The following MYO3B variants were observed in gnomAD, a reference collection of about 807,000 sequenced individuals.
MYO3B encodes the protein myosin-IIIb.
Under a neutral mutation model 174.6 loss-of-function variants are expected in MYO3B, and 156 were observed. The observed-to-expected ratio is 0.89, with a 90% CI of 0.78 to 1.02. The LOEUF is 1.02. Ranked by LOEUF, MYO3B falls within the 50% of genes least tolerant of loss-of-function variation. The probability of loss-of-function intolerance (pLI) is 0.00; values close to 1 mark genes in which losing one functional copy is unlikely to be tolerated. For synonymous variants in MYO3B, 563 were observed against 569.1 expected, an observed-to-expected ratio of 0.99 and a Z score of 0.15; for missense variants, 1,632 against 1,639.4, an observed-to-expected ratio of 1.00 and a Z score of 0.08.
chr2:170,218,276 T>TAAAGAA (rs1384731273), intron 6 of MYO3B, among the ~76,000 whole-genome samples: 1 of 152,188 alleles, frequency 6.6e-6, no homozygotes, highest in Admixed American at 6.6e-5. Context: ...AGGCCCATTT[T>TAAAGAA]AAAGAAAAAG....
Position 170,217,345 on chromosome 2 carries a change from C to T in MYO3B, c.553C>T (p.Arg185Cys), listed in dbSNP as rs199594625. ...FGVSAQLTST[R>C]LRRNTSVGTP... ...TGTTTCAGCTCAACTCACCAGTACA[C>T]GTCTGCGGAGAAACACATCTGTTGG... Residue 185 changes from arginine to cysteine, a missense_variant, in exon 6 of 35, where the codon CGT (arginine) becomes TGT (cysteine). Arg to Cys is a radical substitution (Grantham distance 180, BLOSUM62 -3). Coordinates refer to ENST00000408978, the MANE Select transcript of MYO3B (RefSeq NM_138995.5). 2.4e-5 allele frequency: 39 copies of T among 1,614,084 alleles called. No individual in the cohort carries two copies. Among genetic ancestry groups the T allele is most frequent in the South Asian group, 9.9e-5 (9 of 91,082 alleles).
chr2:170,575,286 A>G (rs961483922), intron 32 of MYO3B, among the ~76,000 whole-genome samples: 1 of 152,102 alleles, frequency 6.6e-6, no homozygotes, highest in African/African-American at 2.4e-5. Context: ...TAAATTTCAT[A>G]TATGTATTTA....
chr2:170,443,763 G>GTTAC (rs77737087), intron 22 of MYO3B, among the ~76,000 whole-genome samples: 68,038 of 150,462 alleles, frequency 0.45, 15,573 homozygotes, highest in Admixed American at 0.54. Flanking sequence ...CAATTTATAA[G>GTTAC]TTACAAATTA....
intron 6 of MYO3B, among the ~76,000 whole-genome samples, chr2:170,222,389 A>G (rs2092910617): frequency 6.6e-6 from 1 of 152,182 alleles, no homozygotes; most frequent in Non-Finnish European, 1.5e-5. Flanking sequence ...GCTTTAAACA[A>G]CAGAAATATA....
intron 1 of MYO3B, among the ~76,000 whole-genome samples, chr2:170,198,908 A>G (rs541479981): frequency 6.6e-6 from 1 of 152,276 alleles, no homozygotes; most frequent in African/African-American, 2.4e-5. Context: ...CAACTGTCCA[A>G]TCATGACCAG....
chr2:170,329,546 G>C (rs1558896080), intron 7 of MYO3B, among the ~76,000 whole-genome samples: 1 of 147,426 alleles, frequency 6.8e-6, no homozygotes, highest in Non-Finnish European at 1.5e-5. Flanking sequence ...ACACCTGGCT[G>C]ATTTTTGTAT....
chr2:170,308,452 C>T (rs2093715554), intron 7 of MYO3B, among the ~76,000 whole-genome samples: 2 of 152,262 alleles, frequency 1.3e-5, no homozygotes, highest in East Asian at 3.9e-4. Context: ...TATCCCTGCC[C>T]AGGATTTATG....
At chr2:170,637,171 G>GTT (rs33947498) in intron 32 of MYO3B, among the ~76,000 whole-genome samples, 2 of 125,308 alleles carry the variant, frequency 1.6e-5, no homozygotes. Context: ...AGAGTGTAGG[G>GTT]TTTTTTTTTT....
In MYO3B at chr2:170,214,794, G is replaced by A; in HGVS notation, c.492G>A (p.Leu164=). ...HRDVKGNNIL[L]TTEGGVKLVD... is the part of the protein sequence containing the mutation. ...ATGTGAAGGGGAATAACATTCTTCT[G>A]ACAACAGAAGGAGGAGTTAAGCTCG... Residue 164 remains leucine, a synonymous_variant, in exon 5 of 35, where the codon CTG becomes CTA. Coordinates refer to ENST00000408978, the MANE Select transcript of MYO3B (RefSeq NM_138995.5). 1 of 1,614,092 alleles carries A rather than the reference G, an allele frequency of 6.2e-7. No individual in the cohort carries two copies.
chr2:170,254,681 T>C (rs932707696), intron 7 of MYO3B, among the ~76,000 whole-genome samples: 2 of 152,134 alleles, frequency 1.3e-5, no homozygotes, highest in Non-Finnish European at 2.9e-5. Context: ...CCCAGGGATA[T>C]TGAGCTGAGA....
At chr2:170,323,672 G>A (rs539540936) in intron 7 of MYO3B, among the ~76,000 whole-genome samples, 1 of 152,280 alleles carries the variant, frequency 6.6e-6, no homozygotes, top group East Asian at 1.9e-4. Flanking sequence ...AAACAGACTT[G>A]TTTATCTTCC....
At chr2:170,515,314 T>G (rs1365380858) in intron 29 of MYO3B, among the ~76,000 whole-genome samples, 1 of 152,216 alleles carries the variant, frequency 6.6e-6, no homozygotes, top group Admixed American at 6.5e-5. Context: ...TCCTTACCAA[T>G]GGCTTCGCCT....
chr2:170,498,187 G>A (rs542087686), intron 25 of MYO3B, among the ~76,000 whole-genome samples: 1 of 152,108 alleles, frequency 6.6e-6, no homozygotes, highest in East Asian at 1.9e-4. Context: ...TGCTTTAGAC[G>A]GGACTTTGCA....
At chr2:170,575,162 A>C (rs1692710003) in intron 32 of MYO3B, among the ~76,000 whole-genome samples, 1 of 152,218 alleles carries the variant, frequency 6.6e-6, no homozygotes, top group South Asian at 2.1e-4. Flanking sequence ...TGTATCTTAA[A>C]TGATATAATC....
intron 32 of MYO3B, among the ~76,000 whole-genome samples, chr2:170,569,936 A>G (rs556750617): frequency 3.0e-4 from 45 of 152,002 alleles, no homozygotes; most frequent in Non-Finnish European, 6.0e-4. Flanking sequence ...TAAATCCTAG[A>G]ATTCAGACTG....
intron 32 of MYO3B, among the ~76,000 whole-genome samples, chr2:170,603,292 C>G (rs1034554468): frequency 6.6e-6 from 1 of 151,820 alleles, no homozygotes; most frequent in Non-Finnish European, 1.5e-5. Flanking sequence ...ATTAATTGTC[C>G]ATATAAGTGT....
intron 9 of MYO3B, among the ~76,000 whole-genome samples, chr2:170,378,352 C>T (rs2094309663): frequency 6.6e-6 from 1 of 152,088 alleles, no homozygotes; most frequent in Non-Finnish European, 1.5e-5. Flanking sequence ...GTTGAGAAAA[C>T]GAAGTGGTCT....
intron 27 of MYO3B, 28 bp downstream of exon 27, chr2:170,499,836 G>T (rs891491263): frequency 6.2e-7 from 1 of 1,608,754 alleles, no homozygotes; most frequent in Non-Finnish European, 8.5e-7. Flanking sequence ...CATAAATACT[G>T]CCCTGGGTAT....
At chr2:170,638,027 T>C (rs764861029) in intron 32 of MYO3B, among the ~76,000 whole-genome samples, 1 of 152,152 alleles carries the variant, frequency 6.6e-6, no homozygotes, top group Non-Finnish European at 1.5e-5. Flanking sequence ...AAAAAAATTA[T>C]ATTTGTGATT....
Sources: allele counts gnomAD v4.1 joint callset (sites outside exome capture counted in the v4.1 genomes callset), GRCh38; gene constraint gnomAD v4.1.1; transcripts MANE v1.5; gene names NCBI Gene and HGNC (gene_info 2026-07-23, HGNC 2026-07-21).